The following COL9A1 variants were observed in gnomAD, a reference collection of about 807,000 sequenced individuals.
COL9A1 encodes collagen alpha-1(IX) chain.
COL9A1 carries 104 observed loss-of-function variants against 142.6 expected under a neutral mutation model. The observed-to-expected ratio is 0.73, with a 90% CI of 0.62 to 0.86. The LOEUF is 0.86. COL9A1 is among the 40% of genes least tolerant of loss of function. The pLI, the probability that COL9A1 is intolerant of heterozygous loss-of-function variation, is 0.00. For synonymous variants in COL9A1, 466 were observed against 396.0 expected, an observed-to-expected ratio of 1.18 and a Z score of -2.10; for missense variants, 1,210 against 1,176.6, an observed-to-expected ratio of 1.03 and a Z score of -0.42.
chr6:70,234,022 T>C (rs2127558798), intron 35 of COL9A1, among the ~76,000 whole-genome samples: 1 of 152,310 alleles, frequency 6.6e-6, no homozygotes, highest in African/African-American at 2.4e-5. Flanking sequence ...AGTATGAAAA[T>C]GTGTCATAAT....
intron 5 of COL9A1, among the ~76,000 whole-genome samples, chr6:70,289,468 C>T (rs1235132434): frequency 6.6e-6 from 1 of 152,088 alleles, no homozygotes; most frequent in Admixed American, 6.6e-5. Context: ...TCTGTGTTTC[C>T]TCATTTCATT....
rs1177356456 is a variant in COL9A1 at position 70,270,350 on chromosome 6, T to C, written c.1161A>G (p.Arg387=). 4 of 1,613,894 alleles carry C rather than the reference T, an allele frequency of 2.5e-6. No individual in the cohort carries two copies. Among genetic ancestry groups the C allele is most frequent in the Non-Finnish European group, 3.4e-6 (4 of 1,179,896 alleles). ...RVGPVGDPGR[R]GPPGPPGPPG... ...GGGGGCCAGGGGGGCCAGGTGGTCC[T>C]CTTCTCCCAGGGTCACCCTAAGTTA... Residue 387 remains arginine (R), a synonymous_variant, in exon 15 of 38, where the codon AGA becomes AGG. Transcript: ENST00000357250.
chr6:70,261,521 A>C (rs1468724810), intron 19 of COL9A1, among the ~76,000 whole-genome samples: 2 of 152,198 alleles, frequency 1.3e-5, no homozygotes, highest in Non-Finnish European at 2.9e-5. Flanking sequence ...CCATTGGCTT[A>C]AGATAAAGGA....
At chr6:70,276,329 G>T (rs1772759136) in intron 10 of COL9A1, among the ~76,000 whole-genome samples, 1 of 152,074 alleles carries the variant, frequency 6.6e-6, no homozygotes, top group East Asian at 1.9e-4. Flanking sequence ...TTAACTAACT[G>T]ATCCTCTAAT....
intron 30 of COL9A1, 52 bp from the exon 31 acceptor site, chr6:70,241,506 A>G: frequency 6.7e-7 from 1 of 1,485,796 alleles, no homozygotes; most frequent in Non-Finnish European, 9.4e-7. Context: ...TGTTTATATA[A>G]TTTCAAGTGA....
At chr6:70,242,397 C>T (rs1361096475) in intron 29 of COL9A1, among the ~76,000 whole-genome samples, 2 of 152,168 alleles carry the variant, frequency 1.3e-5, no homozygotes, top group Non-Finnish European at 1.5e-5. Context: ...TGTTTTCTGC[C>T]ATTCCAAGAA....
chr6:70,263,718 G>T (rs1771840411), intron 18 of COL9A1, among the ~76,000 whole-genome samples: 1 of 151,790 alleles, frequency 6.6e-6, no homozygotes, highest in South Asian at 2.1e-4. Flanking sequence ...AAACTTTTTT[G>T]TAAGCTACAA....
chr6:70,284,340 T>G (rs181046298), intron 5 of COL9A1, among the ~76,000 whole-genome samples: 1 of 151,610 alleles, frequency 6.6e-6, no homozygotes, highest in African/African-American at 2.4e-5. Context: ...TTGGAAAAAA[T>G]TTGCACACTG....
At chr6:70,292,971 C>T (rs1773709975) in intron 5 of COL9A1, among the ~76,000 whole-genome samples, 1 of 152,148 alleles carries the variant, frequency 6.6e-6, no homozygotes, top group Admixed American at 6.6e-5. Context: ...AAATTGCTTC[C>T]CGTCCATCAC....
At position 70,266,724 on chromosome 6, in the gene COL9A1, C is replaced by A; in HGVS notation, c.1334G>T (p.Gly445Val). The change falls in exon 18 of 38, where the codon GGA becomes GTA. Residue 445 changes from glycine to valine, a missense_variant. Gly to Val is a moderately radical substitution (Grantham distance 109). Coordinates refer to ENST00000357250, the MANE Select transcript of COL9A1 (RefSeq NM_001851.6). ...KGEIGEPGRQ[G>V]HKGEEGDQGE... ...AATACCCATTTTCCTTACCTTGTGT[C>A]CTTGTCTTCCTGGTTCACCAATTTC... The A allele has an allele frequency of 6.2e-7, 1 of 1,612,930 alleles. No homozygotes were observed. Among genetic ancestry groups the A allele is most frequent in the Non-Finnish European group, 8.5e-7 (1 of 1,179,058 alleles).
intron 28 of COL9A1, 44 bp from the exon 29 acceptor site, chr6:70,242,759 T>G (rs1169750626): frequency 6.4e-7 from 1 of 1,567,386 alleles, no homozygotes; most frequent in Middle Eastern, 1.7e-4. Flanking sequence ...TTGCCAAAAT[T>G]CAAATGCTTA....
intron 28 of COL9A1, among the ~76,000 whole-genome samples, chr6:70,246,895 G>C (rs145859854): frequency 6.6e-6 from 1 of 152,210 alleles, no homozygotes; most frequent in East Asian, 1.9e-4. Context: ...TAACCTCTCC[G>C]TGCCTGTTTC....
chr6:70,302,803 T>C lies in COL9A1; in HGVS notation c.14+108A>G, dbSNP rs1459104767. ...CCGTCTCTCTTTCTGTCTCTCACCT[T>C]GAGGCTCACCTACTCTCATCTTACC... On this transcript the variant is annotated intron_variant, in intron 1 of 37. Coordinates refer to ENST00000357250, the MANE Select transcript of COL9A1 (RefSeq NM_001851.6). The C allele has an allele frequency of 4.1e-6, 5 of 1,222,674 alleles. No homozygotes were observed. The East Asian group carries it at 1.2e-4, about 28-fold the overall frequency. The allele number at this position is 1,222,674 out of a possible 1,614,324, so 75.7% of individuals were successfully genotyped here. A position where few individuals can be genotyped will look rare whatever the true frequency, so the allele number is the denominator to read the frequency against.
intron 18 of COL9A1, 64 bp downstream of exon 18, chr6:70,266,653 T>C: frequency 8.0e-7 from 1 of 1,252,302 alleles, no homozygotes; most frequent in Non-Finnish European, 1.2e-6. Flanking sequence ...TCCTAATTTC[T>C]TATAATGAAA....
chr6:70,281,544 G>C (rs1345626590), intron 7 of COL9A1, 80 bp from the exon 8 acceptor site: 2 of 1,093,388 alleles, frequency 1.8e-6, no homozygotes, highest in Admixed American at 5.2e-5. Context: ...TGAAGCCCCC[G>C]CCTCCGTGGG....
intron 19 of COL9A1, 45 bp downstream of exon 19, chr6:70,263,199 A>G: frequency 1.4e-6 from 2 of 1,405,568 alleles, no homozygotes; most frequent in East Asian, 2.5e-5. Context: ...GAAAAAAAAG[A>G]ATATTTACAT....
rs1016042100 is a variant in COL9A1 at position 70,216,570 on chromosome 6, G to A, written c.*327C>T. ...TTTGTTTATTGGCACAGTGGCCCACGATAAGACACATAGGTATAGCACACT... is the reference window on the plus strand; with the variant it reads ...TTTGTTTATTGGCACAGTGGCCCACAATAAGACACATAGGTATAGCACACT... On this transcript the variant is annotated 3_prime_UTR_variant, in exon 38 of 38. Coordinates refer to ENST00000357250, the MANE Select transcript of COL9A1 (RefSeq NM_001851.6). 18 of 322,232 alleles carry A rather than the reference G, an allele frequency of 5.6e-5. No individual in the cohort carries two copies. The highest frequency in any genetic ancestry group is 8.8e-5 in the Non-Finnish European group (15 of 170,798). 20.0% of individuals were successfully genotyped at this position (322,232 alleles called of 1,614,324 possible).
chr6:70,257,894 A>G (rs1322422098), intron 20 of COL9A1, among the ~76,000 whole-genome samples: 7 of 152,238 alleles, frequency 4.6e-5, no homozygotes, highest in Non-Finnish European at 1.0e-4. Flanking sequence ...GTCCAGCCAC[A>G]TGATTCAGAA....
chr6:70,273,001 G>A (rs1371632022), intron 12 of COL9A1, among the ~76,000 whole-genome samples: 1 of 152,032 alleles, frequency 6.6e-6, no homozygotes, highest in East Asian at 1.9e-4. Context: ...TGATATTCAT[G>A]ATAGCTTTTC....
Sources: allele counts gnomAD v4.1 joint callset (sites outside exome capture counted in the v4.1 genomes callset), GRCh38; gene constraint gnomAD v4.1.1; transcripts MANE v1.5; gene names NCBI Gene and HGNC (gene_info 2026-07-23, HGNC 2026-07-21).